ZSCAN25: variants seen among roughly 807,000 people sequenced by gnomAD.
The protein encoded by ZSCAN25 is zinc finger and SCAN domain containing 25, also known as zinc finger and SCAN domain-containing protein 25.
Under a neutral mutation model 38.7 loss-of-function variants are expected in ZSCAN25, and 27 were observed. The observed-to-expected ratio is 0.70, with a 90% CI of 0.51 to 0.96. The LOEUF is 0.96. Among genes scored for constraint, ZSCAN25 ranks in the 40% least tolerant of loss-of-function variants. The pLI is 0.00. For missense variants in ZSCAN25, 637 were observed against 705.9 expected, an observed-to-expected ratio of 0.90 and a Z score of 1.11; for synonymous variants, 273 against 277.7, an observed-to-expected ratio of 0.98 and a Z score of 0.17.
chr7:99,635,720 A>C (rs137980345), downstream of ZSCAN25, among the ~76,000 whole-genome samples: 484 of 152,266 alleles, frequency 3.2e-3, 2 homozygotes, highest in African/African-American at 0.011. Flanking sequence ...GCTGCCTACC[A>C]ATCTGTCTTC....
the ZSCAN25 span, among the ~76,000 whole-genome samples, chr7:99,718,161 T>C: frequency 6.6e-6 from 1 of 152,092 alleles, no homozygotes; most frequent in Admixed American, 6.5e-5. Context: ...TTAGGAGTTA[T>C]ACCTAATGTT....
At chr7:99,707,195 G>C in the ZSCAN25 span, among the ~76,000 whole-genome samples, 1 of 152,214 alleles carries the variant, frequency 6.6e-6, no homozygotes, top group East Asian at 1.9e-4. Context: ...TAGGCACCTG[G>C]AAGGTGAGGT....
At chr7:99,701,666 GT>G in the ZSCAN25 span, among the ~76,000 whole-genome samples, 2 of 152,166 alleles carry the variant, frequency 1.3e-5, no homozygotes, top group African/African-American at 4.8e-5. Flanking sequence ...TGACATTGTA[GT>G]TTTGATTTGC....
chr7:99,678,161 G>T, the ZSCAN25 span, among the ~76,000 whole-genome samples: 3 of 152,220 alleles, frequency 2.0e-5, no homozygotes, highest in African/African-American at 7.2e-5. Context: ...CTGGCTGCCC[G>T]AGTCTGTAGT....
the ZSCAN25 span, chr7:99,674,447 T>C: frequency 2.0e-6 from 2 of 1,024,724 alleles, no homozygotes; most frequent in East Asian, 2.5e-5. Context: ...CTTCATCCCA[T>C]GAAGACCTGG....
At chr7:99,638,530 C>A in the ZSCAN25 span, 1 of 1,512,472 alleles carries the variant, frequency 6.6e-7, no homozygotes, top group South Asian at 1.1e-5. Flanking sequence ...CCTTGGGTCC[C>A]AGTGTAGTTA....
chr7:99,698,454 C>T, the ZSCAN25 span, among the ~76,000 whole-genome samples: 6 of 152,258 alleles, frequency 3.9e-5, no homozygotes, highest in South Asian at 8.3e-4. Flanking sequence ...ACGGATCCTA[C>T]GTGGATGCCT....
chr7:99,692,110 C>T, the ZSCAN25 span, among the ~76,000 whole-genome samples: 1 of 152,206 alleles, frequency 6.6e-6, no homozygotes, highest in Non-Finnish European at 1.5e-5. Context: ...AATCTCTCAG[C>T]ATTTGCTTGT....
the ZSCAN25 span, among the ~76,000 whole-genome samples, chr7:99,737,399 C>CA: frequency 6.6e-6 from 1 of 151,906 alleles, no homozygotes; most frequent in Non-Finnish European, 1.5e-5. Flanking sequence ...CCAGTGGCAC[C>CA]CCCTGGGTTT....
At chr7:99,720,382 A>G in the ZSCAN25 span, 2 of 1,613,764 alleles carry the variant, frequency 1.2e-6, no homozygotes, top group East Asian at 4.5e-5. Context: ...GATCTGTGAT[A>G]GCCAGCATAG....
At chr7:99,645,238 C>T in the ZSCAN25 span, among the ~76,000 whole-genome samples, 2 of 152,288 alleles carry the variant, frequency 1.3e-5, no homozygotes, top group East Asian at 3.9e-4. Context: ...ATCTGCCCAC[C>T]TCGGCTTCTG....
At chr7:99,669,977 A>G in the ZSCAN25 span, among the ~76,000 whole-genome samples, 2 of 152,316 alleles carry the variant, frequency 1.3e-5, no homozygotes, top group Non-Finnish European at 1.5e-5. Context: ...CATGTGCACA[A>G]GCTTTAAAAG....
At chr7:99,632,997 T>TTTTTTGTTTTTTTGTTTTTTTG (rs1562975055), downstream of ZSCAN25, among the ~76,000 whole-genome samples, 10 of 150,644 alleles carry the variant, frequency 6.6e-5, no homozygotes, top group African/African-American at 2.5e-4. Flanking sequence ...TTGTTTTTTT[T>TTTTTTGTTTTTTTGTTTTTTTG]TTTTTTGAGC....
the ZSCAN25 span, among the ~76,000 whole-genome samples, chr7:99,695,492 C>CACATCAAGTTCTGA: frequency 1.3e-5 from 2 of 152,158 alleles, no homozygotes; most frequent in Non-Finnish European, 1.5e-5. Flanking sequence ...ACAAAGTCTG[C>CACATCAAGTTCTGA]ACATCAAGTT....
At chr7:99,626,023 A>G (rs1807437676) in intron 7 of ZSCAN25, among the ~76,000 whole-genome samples, 1 of 152,208 alleles carries the variant, frequency 6.6e-6, no homozygotes, top group Admixed American at 6.5e-5. Flanking sequence ...CTGAATGCAC[A>G]GGGCAGGGTT....
the ZSCAN25 span, chr7:99,659,071 TTC>T: frequency 1.3e-5 from 2 of 152,250 alleles, no homozygotes; most frequent in African/African-American, 4.8e-5. Context: ...TGAAGCCTTC[TTC>T]TCTCAACTCG....
the ZSCAN25 span, chr7:99,667,012 T>C: frequency 6.2e-7 from 1 of 1,614,170 alleles, no homozygotes; most frequent in Non-Finnish European, 8.5e-7. Flanking sequence ...TCTTCCATTC[T>C]TCATCCTCAG....
At chr7:99,713,506 A>C in the ZSCAN25 span, 1 of 1,613,508 alleles carries the variant, frequency 6.2e-7, no homozygotes, top group Non-Finnish European at 8.5e-7. Context: ...TCTGAGAGTC[A>C]ATCATCAGCT....
At chr7:99,646,850 A>C in the ZSCAN25 span, among the ~76,000 whole-genome samples, 2 of 151,658 alleles carry the variant, frequency 1.3e-5, no homozygotes, top group African/African-American at 4.9e-5. Context: ...GCATGCTCAC[A>C]CATACAAACA....
Sources: gnomAD v4.1 joint callset for allele counts (sites outside exome capture counted in the v4.1 genomes callset) on GRCh38, gnomAD v4.1.1 for gene constraint, MANE v1.5 for transcripts, NCBI Gene and HGNC (gene_info 2026-07-23, HGNC 2026-07-21) for gene names.